Variants in PTPRA observed in about 807,000 individuals in gnomAD.
The protein encoded by PTPRA is receptor-type tyrosine-protein phosphatase alpha.
PTPRA carries 25 observed loss-of-function variants against 104.8 expected under a neutral mutation model. The observed-to-expected ratio is 0.24, with a 90% CI of 0.17 to 0.33. The LOEUF (loss-of-function observed/expected upper bound fraction) is 0.33. Ranked by LOEUF, PTPRA falls within the 10% of genes least tolerant of loss-of-function variation. The pLI is 1.00. For missense variants in PTPRA, 765 were observed against 1,015.3 expected (o/e 0.75, Z 3.35); for synonymous variants, 323 against 368.9 (o/e 0.88, Z 1.43).
At chr20:2,946,736 T>C (rs1199049110) in intron 2 of PTPRA, among the ~76,000 whole-genome samples, 1 of 151,466 alleles carries the variant, frequency 6.6e-6, no homozygotes, top group Non-Finnish European at 1.5e-5. Flanking sequence ...TAATCCCAGC[T>C]ACTTGGGAGG....
chr20:2,944,686 T>C (rs8116179), intron 2 of PTPRA, among the ~76,000 whole-genome samples: 5,554 of 152,296 alleles, frequency 0.036, 338 homozygotes, highest in African/African-American at 0.12. Flanking sequence ...GTAAAAGGCA[T>C]GTGTACAAGG....
chr20:2,892,825 G>A (rs1458333016), intron 1 of PTPRA, among the ~76,000 whole-genome samples: 1 of 152,160 alleles, frequency 6.6e-6, no homozygotes, highest in Non-Finnish European at 1.5e-5. Flanking sequence ...ACTAAGTTCG[G>A]TTTAGCTGTT....
chr20:2,967,076 A>G (rs1429636615), intron 5 of PTPRA, among the ~76,000 whole-genome samples: 2 of 152,156 alleles, frequency 1.3e-5, no homozygotes, highest in East Asian at 1.9e-4. Flanking sequence ...ATCTCCTTTT[A>G]ACAGATGCTT....
At chr20:2,915,889 A>G (rs1162636053) in intron 1 of PTPRA, among the ~76,000 whole-genome samples, 2 of 152,134 alleles carry the variant, frequency 1.3e-5, no homozygotes, top group African/African-American at 2.4e-5. Flanking sequence ...CAGGAAAATT[A>G]CTTGAACCAT....
intron 3 of PTPRA, among the ~76,000 whole-genome samples, chr20:2,963,618 A>G (rs1312636704): frequency 6.6e-6 from 1 of 152,128 alleles, no homozygotes; most frequent in African/African-American, 2.4e-5. Flanking sequence ...AAGGAGTCCT[A>G]TTAAGACTTA....
intron 3 of PTPRA, among the ~76,000 whole-genome samples, chr20:2,960,913 T>G (rs1286353954): frequency 6.6e-6 from 1 of 152,060 alleles, no homozygotes; most frequent in Non-Finnish European, 1.5e-5. Flanking sequence ...CTTCTGTCAC[T>G]TAGTAATATA....
At chr20:3,008,745 C>CAA (rs71195810) in intron 11 of PTPRA, among the ~76,000 whole-genome samples, 23 of 99,362 alleles carry the variant, frequency 2.3e-4, no homozygotes, top group Non-Finnish European at 4.4e-4. Context: ...AAAAAAAAAA[C>CAA]AAAAAAAAAA....
At chr20:3,031,249 T>C (rs1226391102) in intron 20 of PTPRA, among the ~76,000 whole-genome samples, 2 of 152,170 alleles carry the variant, frequency 1.3e-5, no homozygotes, top group South Asian at 2.1e-4. Context: ...AGAGACTTCA[T>C]GCTATCTGGT....
intron 6 of PTPRA, among the ~76,000 whole-genome samples, chr20:2,985,008 A>G (rs2062842194): frequency 6.6e-6 from 1 of 152,186 alleles, no homozygotes; most frequent in Non-Finnish European, 1.5e-5. Flanking sequence ...CTTGTTTATA[A>G]ACAGTGTCTT....
rs1454568551 is a variant in PTPRA at position 2,948,683 on chromosome 20, G to A, written c.-7+659G>A. 7.9e-5 allele frequency among the ~76,000 whole-genome samples: 12 copies of A among 152,284 alleles called. No homozygotes were observed. The East Asian group carries it at 1.7e-3, about 22-fold the overall frequency. Reference sequence around the variant, plus strand: ...ACTTTAAAAAACCACCAGGCACGGTGGCTCACGCCTGGAATCCCAGCACTT... The same window carrying A: ...ACTTTAAAAAACCACCAGGCACGGTAGCTCACGCCTGGAATCCCAGCACTT... On this transcript the variant is annotated intron_variant, in intron 3 of 23. Coordinates refer to ENST00000399903, the MANE Select transcript of PTPRA (RefSeq NM_001385305.1).
the PTPRA span, among the ~76,000 whole-genome samples, chr20:2,867,802 A>G: frequency 6.6e-6 from 1 of 152,202 alleles, no homozygotes; most frequent in African/African-American, 2.4e-5. Flanking sequence ...GCTTTTAGAA[A>G]GACAGTGAGA....
In PTPRA at chr20:3,002,097, G is replaced by A. The variant is rs79402271; in HGVS notation, c.739-2959G>A. Among the ~76,000 whole-genome samples the A allele has an allele frequency of 5.8e-3, 888 of 151,962 alleles. 6 individuals carry two copies. The highest frequency in any genetic ancestry group is 0.021 in the African/African-American group (854 of 41,440). Reference sequence around the variant, plus strand: ...CAAGGCTGCAATGAGCTATGATGGCGCCACTGCACTCCAGCCTGGGTGACA... The same window carrying A: ...CAAGGCTGCAATGAGCTATGATGGCACCACTGCACTCCAGCCTGGGTGACA... On this transcript the variant is annotated intron_variant, in intron 9 of 23. Coordinates refer to ENST00000399903, the MANE Select transcript of PTPRA (RefSeq NM_001385305.1).
At chr20:3,031,117 C>T (rs1463783457) in intron 20 of PTPRA, among the ~76,000 whole-genome samples, 1 of 152,116 alleles carries the variant, frequency 6.6e-6, no homozygotes, top group Non-Finnish European at 1.5e-5. Context: ...TAGGCCTAGC[C>T]CAACCCTAGG....
At chr20:2,994,259 TG>T (rs1351266050) in intron 9 of PTPRA, among the ~76,000 whole-genome samples, 1 of 152,168 alleles carries the variant, frequency 6.6e-6, no homozygotes, top group Non-Finnish European at 1.5e-5. Context: ...CTGGCCTCCC[TG>T]TTATTGAAGG....
At chr20:2,982,382 T>A (rs965951554) in intron 6 of PTPRA, among the ~76,000 whole-genome samples, 1 of 152,148 alleles carries the variant, frequency 6.6e-6, no homozygotes, top group African/African-American at 2.4e-5. Context: ...TTTCTTATAA[T>A]ACCTGATATA....
chr20:3,019,185 G>A (rs1468326173), intron 13 of PTPRA, among the ~76,000 whole-genome samples: 3 of 144,968 alleles, frequency 2.1e-5, no homozygotes, highest in South Asian at 2.1e-4. Context: ...CGGACGGGGC[G>A]GCCGGCCGGG....
intron 3 of PTPRA, among the ~76,000 whole-genome samples, chr20:2,961,058 C>A (rs546908972): frequency 1.3e-5 from 2 of 152,058 alleles, no homozygotes; most frequent in Non-Finnish European, 2.9e-5. Flanking sequence ...TGCTCCCAGT[C>A]GTGGCAATTA....
At chr20:2,989,914 G>A (rs1360926119) in intron 9 of PTPRA, among the ~76,000 whole-genome samples, 1 of 152,158 alleles carries the variant, frequency 6.6e-6, no homozygotes, top group African/African-American at 2.4e-5. Flanking sequence ...CTACTCTGGA[G>A]GCTGAGGCAG....
At chr20:2,924,579 A>T (rs1365779680) in intron 2 of PTPRA, among the ~76,000 whole-genome samples, 1 of 152,210 alleles carries the variant, frequency 6.6e-6, no homozygotes, top group Non-Finnish European at 1.5e-5. Context: ...ACCGAGTAAA[A>T]CTAAACTACA....
Sources: allele counts gnomAD v4.1 joint callset (sites outside exome capture counted in the v4.1 genomes callset), GRCh38; gene constraint gnomAD v4.1.1; transcripts MANE v1.5; gene names NCBI Gene and HGNC (gene_info 2026-07-23, HGNC 2026-07-21).